GTF2IRD1: variants seen among roughly 807,000 people sequenced by gnomAD.
GTF2IRD1 encodes GTF2I repeat domain containing 1, also known as general transcription factor II-I repeat domain-containing protein 1.
In GTF2IRD1, 26 loss-of-function variants were observed where a neutral mutation model predicts 113.2. The ratio of observed to expected loss-of-function variants is 0.23; its 90% CI spans 0.17 to 0.32. The LOEUF (loss-of-function observed/expected upper bound fraction) is 0.32, where lower values mean the gene tolerates loss of function less well. Ranked by LOEUF, GTF2IRD1 falls within the 10% of genes least tolerant of loss-of-function variation. GTF2IRD1 has a pLI of 1.00. For synonymous variants in GTF2IRD1, 484 were observed against 529.1 expected, an observed-to-expected ratio of 0.91 and a Z score of 1.17; for missense variants, 864 against 1,280.8, an observed-to-expected ratio of 0.67 and a Z score of 4.97.
At chr7:74,559,935 A>G (rs1460557747) in intron 22 of GTF2IRD1, among the ~76,000 whole-genome samples, 2 of 152,144 alleles carry the variant, frequency 1.3e-5, no homozygotes, top group African/African-American at 4.8e-5. Context: ...AATTGTCACC[A>G]TACCTGGCTA....
chr7:74,500,373 G>A (rs1319595343), intron 1 of GTF2IRD1, among the ~76,000 whole-genome samples: 1 of 151,960 alleles, frequency 6.6e-6, no homozygotes, highest in Non-Finnish European at 1.5e-5. Flanking sequence ...GCTTGGGCTC[G>A]GGAGTTTGAG....
chr7:74,468,867 G>A (rs1793910001), intron 1 of GTF2IRD1, among the ~76,000 whole-genome samples: 1 of 151,884 alleles, frequency 6.6e-6, no homozygotes, highest in Non-Finnish European at 1.5e-5. Flanking sequence ...GGCAGATCAT[G>A]AGGTCAGGAG....
intron 1 of GTF2IRD1, among the ~76,000 whole-genome samples, chr7:74,485,665 T>C (rs905026481): frequency 1.3e-5 from 2 of 151,822 alleles, no homozygotes; most frequent in African/African-American, 4.8e-5. Context: ...CTCACACCTA[T>C]AATCCCGGCA....
At position 74,555,008 on chromosome 7, in the gene GTF2IRD1, G is replaced by C. The variant is rs1452704106; in HGVS notation, c.1917-166G>C. Among the ~76,000 whole-genome samples the C allele has an allele frequency of 6.6e-6, 1 of 152,090 alleles. No homozygotes were observed. Among genetic ancestry groups the C allele is most frequent in the Non-Finnish European group, 1.5e-5 (1 of 68,024 alleles). ...AGCTGGATCCTTCAAGCCCAGCGCA[G>C]CCCCCCAGATTCCACATGTGGGGCG... On this transcript the variant is annotated intron_variant, in intron 17 of 26. Transcript: ENST00000424337. This position sits in a 1 kb window ranked among gnomAD's most constrained non-coding sequence, Gnocchi z 5.3.
At chr7:74,480,228 C>T (rs562089212) in intron 1 of GTF2IRD1, among the ~76,000 whole-genome samples, 59 of 152,200 alleles carry the variant, frequency 3.9e-4, no homozygotes, top group Non-Finnish European at 7.1e-4. Flanking sequence ...GGAGCACCTG[C>T]TGTTGGGCCC....
rs587679531 is a variant in GTF2IRD1 at position 74,557,061 on chromosome 7, C to T, written c.2024-578C>T. On this transcript the variant is annotated intron_variant, in intron 19 of 26. Transcript: ENST00000424337. ...TTCGAGGCCAGCCTGGGCAACATGG[C>T]GAAACCCCATCTCTACCAAAAACAC... 1.1e-4 allele frequency among the ~76,000 whole-genome samples: 17 copies of T among 152,176 alleles called. No individual in the cohort carries two copies. The South Asian group carries it at 3.3e-3, about 30-fold the overall frequency.
chr7:74,523,052 A>G (rs1200557629), intron 7 of GTF2IRD1, among the ~76,000 whole-genome samples: 5 of 152,188 alleles, frequency 3.3e-5, no homozygotes, highest in Non-Finnish European at 7.3e-5. Context: ...TTAGATTCTC[A>G]AGATCAAGAC....
At chr7:74,476,200 C>A (rs371481911) in intron 1 of GTF2IRD1, among the ~76,000 whole-genome samples, 148 of 152,114 alleles carry the variant, frequency 9.7e-4, no homozygotes, top group African/African-American at 3.4e-3. Context: ...TAGGTGTGGG[C>A]TGGTGGTGCC....
chr7:74,485,245 G>T (rs1051957955), intron 1 of GTF2IRD1, among the ~76,000 whole-genome samples: 1 of 152,182 alleles, frequency 6.6e-6, no homozygotes, highest in South Asian at 2.1e-4. Context: ...ATGGATGTTT[G>T]GACACACTTT....
intron 1 of GTF2IRD1, among the ~76,000 whole-genome samples, chr7:74,492,580 T>C (rs1464658012): frequency 2.0e-5 from 3 of 152,168 alleles, no homozygotes; most frequent in Non-Finnish European, 1.5e-5. Flanking sequence ...GTTGATTGAG[T>C]CTTTTTTCAT....
chr7:74,548,955 GT>G (rs1346347889), intron 17 of GTF2IRD1, among the ~76,000 whole-genome samples: 1 of 151,846 alleles, frequency 6.6e-6, no homozygotes, highest in Non-Finnish European at 1.5e-5. Flanking sequence ...TCCATTTTGT[GT>G]TTGTTACTTC....
intron 17 of GTF2IRD1, among the ~76,000 whole-genome samples, chr7:74,553,887 C>G (rs782452119): frequency 2.0e-5 from 3 of 152,222 alleles, no homozygotes; most frequent in Non-Finnish European, 4.4e-5. Context: ...CAGTCCGAAG[C>G]CTTTTCTAGC....
At chr7:74,520,769 CA>C (rs1156355118) in intron 6 of GTF2IRD1, among the ~76,000 whole-genome samples, 10,676 of 48,504 alleles carry the variant, frequency 0.22, 424 homozygotes, top group Middle Eastern at 0.36. Flanking sequence ...CTATCTCTAC[CA>C]AAAAAAAAAA....
At chr7:74,530,642 GC>G (rs587645313) in intron 9 of GTF2IRD1, among the ~76,000 whole-genome samples, 160 of 148,038 alleles carry the variant, frequency 1.1e-3, no homozygotes, top group Middle Eastern at 3.6e-3. Flanking sequence ...GACAATGATG[GC>G]CCCCCCGACC....
intron 4 of GTF2IRD1, among the ~76,000 whole-genome samples, chr7:74,517,316 C>T (rs893572671): frequency 2.6e-5 from 4 of 151,510 alleles, no homozygotes; most frequent in Admixed American, 1.3e-4. Flanking sequence ...TGAGCCACCA[C>T]GCCCAGCCTC....
intron 1 of GTF2IRD1, among the ~76,000 whole-genome samples, chr7:74,490,243 C>T (rs550880884): frequency 5.3e-5 from 8 of 152,264 alleles, no homozygotes; most frequent in East Asian, 1.9e-4. Flanking sequence ...GGATTACAGG[C>T]GTGAGCCACT....
chr7:74,474,332 G>A (rs1273868573), intron 1 of GTF2IRD1, among the ~76,000 whole-genome samples: 1 of 152,232 alleles, frequency 6.6e-6, no homozygotes, highest in African/African-American at 2.4e-5. Flanking sequence ...AGGTCTCACT[G>A]TAGCCCCCCT....
At chr7:74,571,916 C>T (rs1431375352) in intron 22 of GTF2IRD1, among the ~76,000 whole-genome samples, 1 of 152,142 alleles carries the variant, frequency 6.6e-6, no homozygotes, top group Non-Finnish European at 1.5e-5. Flanking sequence ...ACTCACCTCT[C>T]ACCCCCACCA....
chr7:74,540,413 T>C (rs1583834780), intron 14 of GTF2IRD1, among the ~76,000 whole-genome samples: 1 of 151,832 alleles, frequency 6.6e-6, no homozygotes, highest in Non-Finnish European at 1.5e-5. Flanking sequence ...CCCAAAGTGC[T>C]GGGATTACAG....
Sources: gnomAD v4.1 joint callset for allele counts (sites outside exome capture counted in the v4.1 genomes callset) on GRCh38, gnomAD v4.1.1 for gene constraint, Gnocchi (gnomAD v3.1) non-coding constraint, MANE v1.5 for transcripts, NCBI Gene and HGNC (gene_info 2026-07-23, HGNC 2026-07-21) for gene names.